The following EPC1 variants were observed in gnomAD, a reference collection of about 807,000 sequenced individuals.
EPC1 encodes the protein enhancer of polycomb 1, also known as enhancer of polycomb homolog 1.
Under a neutral mutation model 98.4 loss-of-function variants are expected in EPC1, and 12 were observed. That is an observed-to-expected ratio of 0.12 (90% CI 0.08 to 0.20). EPC1 has a LOEUF of 0.20. EPC1 is among the 10% of genes least tolerant of loss of function. The pLI, the probability that EPC1 is intolerant of heterozygous loss-of-function variation, is 1.00. For missense variants in EPC1, 729 were observed against 990.5 expected, an observed-to-expected ratio of 0.74 and a Z score of 3.54; for synonymous variants, 357 against 363.9, an observed-to-expected ratio of 0.98 and a Z score of 0.21.
chr10:32,287,124 T>C lies in EPC1; in HGVS notation c.1126A>G (p.Ser376Gly). ...TGGGAGAGAGGTTCTTCGTCTGAGC[T>C]GGGAAAGTCATACTGATTCAGATCT... ...AKDLNQYDFPSSDEEPLSQVL... is the reference protein window; with the variant it reads ...AKDLNQYDFPGSDEEPLSQVL... The change falls in exon 7 of 14, where the codon AGC becomes GGC. Residue 376 changes from serine to glycine, a missense_variant. By Grantham distance (56) the Ser-to-Gly change is moderately conservative (BLOSUM62 0). This residue lies in a region of EPC1 where 390 missense variants were observed against 438.6 expected (regional missense o/e 0.89). Coordinates refer to ENST00000319778, the MANE Select transcript of EPC1 (RefSeq NM_001272004.3). The C allele has an allele frequency of 6.2e-7, 1 of 1,614,210 alleles. No homozygotes were observed.
chr10:32,353,697 A>T (rs1839191308), intron 1 of EPC1, among the ~76,000 whole-genome samples: 1 of 152,242 alleles, frequency 6.6e-6, no homozygotes, highest in Admixed American at 6.5e-5. Context: ...TAATTGGGAA[A>T]ATGTGAAATT....
At position 32,305,995 on chromosome 10, in the gene EPC1, C is replaced by A. The variant is rs73245688; in HGVS notation, c.154-64G>T. 6.3e-3 allele frequency: 8,781 copies of A among 1,403,178 alleles called. 471 individuals are homozygous for A. In the African/African-American group the frequency reaches 0.11, roughly 18 times the overall value. 86.9% of individuals were successfully genotyped at this position (1,403,178 alleles called of 1,614,324 possible). ...AAAAAGCAGTAAACAGATCATATAG[C>A]CAAAAAGGTTTTTTTGGCTCATTTG... On this transcript the variant is annotated intron_variant, in intron 1 of 13. Coordinates refer to ENST00000319778, the MANE Select transcript of EPC1 (RefSeq NM_001272004.3).
chr10:32,336,814 C>T (rs1838005398), intron 1 of EPC1, among the ~76,000 whole-genome samples: 1 of 152,120 alleles, frequency 6.6e-6, no homozygotes, highest in Non-Finnish European at 1.5e-5. Context: ...CCAGGAGAGA[C>T]ATAAAATAGT....
chr10:32,301,276 T>C (rs1835524101), intron 2 of EPC1, among the ~76,000 whole-genome samples: 1 of 151,990 alleles, frequency 6.6e-6, no homozygotes, highest in African/African-American at 2.4e-5. Context: ...ATGAAAGAGA[T>C]AAAAAAAGAC....
chr10:32,363,540 A>G (rs1178020303), intron 1 of EPC1, among the ~76,000 whole-genome samples: 13 of 152,248 alleles, frequency 8.5e-5, no homozygotes, highest in Non-Finnish European at 1.8e-4. Flanking sequence ...TTGAACAAAA[A>G]TACTAAAAAC....
chr10:32,273,418 C>T (rs1564517920), intron 10 of EPC1, 137 bp from the exon 11 acceptor site: 1 of 1,113,926 alleles, frequency 9.0e-7, no homozygotes, highest in African/African-American at 1.6e-5. Context: ...TGCTAAAGAT[C>T]ACTTCCAAAT....
intron 2 of EPC1, among the ~76,000 whole-genome samples, chr10:32,302,553 A>C (rs549538641): frequency 6.6e-6 from 1 of 151,394 alleles, no homozygotes; most frequent in South Asian, 2.1e-4. Flanking sequence ...GGGAGGCTGA[A>C]GCAGAAGAAT....
intron 5 of EPC1, 70 bp from the exon 6 acceptor site, chr10:32,291,392 A>C: frequency 8.4e-7 from 1 of 1,185,144 alleles, no homozygotes. Flanking sequence ...TTTGATATAC[A>C]TTTATACTGT....
chr10:32,290,276 G>T (rs1554819080), intron 6 of EPC1, among the ~76,000 whole-genome samples: 5 of 151,804 alleles, frequency 3.3e-5, no homozygotes, highest in Non-Finnish European at 7.4e-5. Flanking sequence ...GAGGTCAGGG[G>T]TTTTGAGACC....
intron 10 of EPC1, among the ~76,000 whole-genome samples, chr10:32,279,654 G>A (rs1836295531): frequency 6.6e-6 from 1 of 152,100 alleles, no homozygotes; most frequent in African/African-American, 2.4e-5. Context: ...TGGAAATTAG[G>A]AATTCACATA....
At chr10:32,364,001 CATTT>C (rs1406911700) in intron 1 of EPC1, among the ~76,000 whole-genome samples, 17 of 61,856 alleles carry the variant, frequency 2.7e-4, no homozygotes, top group African/African-American at 9.7e-4. Context: ...ATCATGTTGG[CATTT>C]TTTTTTTTTT....
rs143803910 is a variant in EPC1 at position 32,278,938 on chromosome 10, C to G, written c.1745-5657G>C. On this transcript the variant is annotated intron_variant, in intron 10 of 13. Coordinates refer to ENST00000319778, the MANE Select transcript of EPC1 (RefSeq NM_001272004.3). ...AGATTATTTGCAGTCAAATATTCCT[C>G]TTAGTGTGAATATTCTTGCATTTTA... 4.7e-3 allele frequency among the ~76,000 whole-genome samples: 714 copies of G among 152,274 alleles called. 7 individuals carry two copies. The highest frequency in any genetic ancestry group is 0.017 in the Middle Eastern group (5 of 294).
intron 1 of EPC1, among the ~76,000 whole-genome samples, chr10:32,320,308 A>G (rs1328164086): frequency 6.6e-6 from 1 of 152,148 alleles, no homozygotes; most frequent in Non-Finnish European, 1.5e-5. Context: ...CATAATCCTT[A>G]CAAGTCAGTG....
intron 10 of EPC1, among the ~76,000 whole-genome samples, chr10:32,278,371 G>GTTTTTTTTTTTTGT (rs1836213066): frequency 5.8e-5 from 6 of 102,592 alleles, no homozygotes; most frequent in Non-Finnish European, 9.5e-5. Context: ...GTTTTTTTTT[G>GTTTTTTTTTTTTGT]TTTTTTTTTT....
At chr10:32,338,151 C>T (rs11008888) in intron 1 of EPC1, among the ~76,000 whole-genome samples, 18,985 of 152,140 alleles carry the variant, frequency 0.12, 1,224 homozygotes, top group Admixed American at 0.14. Context: ...TGAACAAGTC[C>T]ATCCCTTCTA....
chr10:32,346,224 G>C (rs1033214150), intron 1 of EPC1, among the ~76,000 whole-genome samples: 1 of 152,206 alleles, frequency 6.6e-6, no homozygotes, highest in Non-Finnish European at 1.5e-5. Flanking sequence ...CGTGGGGGCT[G>C]CACTGAGCCC....
At chr10:32,366,441 T>A (rs1222075728) in intron 1 of EPC1, among the ~76,000 whole-genome samples, 1 of 152,108 alleles carries the variant, frequency 6.6e-6, no homozygotes, top group Non-Finnish European at 1.5e-5. Flanking sequence ...AATAAAAAAA[T>A]AGGTAATTTT....
chr10:32,362,853 A>G (rs1466191912), intron 1 of EPC1, among the ~76,000 whole-genome samples: 1 of 152,144 alleles, frequency 6.6e-6, no homozygotes, highest in East Asian at 1.9e-4. Flanking sequence ...TTTCTGCTGC[A>G]GAAGTGAAGC....
rs999872467 is a variant in EPC1 at position 32,285,440 on chromosome 10, C to T, written c.1392-390G>A. On this transcript the variant is annotated intron_variant, in intron 9 of 13. Transcript: ENST00000319778. The stretch of plus-strand genomic sequence containing the variant: ...TTCTTATAGACAAAATATTTGAGAT[C>T]CACTACTCTAGAGGATATATTCTTA... 3 of 188,302 alleles carry T rather than the reference C, an allele frequency of 1.6e-5. No individual in the cohort carries two copies. In the Admixed American group the frequency reaches 1.6e-4, roughly 10 times the overall value. The allele number at this position is 188,302 out of a possible 1,614,324, so 11.7% of individuals were successfully genotyped here.
Sources: allele counts gnomAD v4.1 joint callset (sites outside exome capture counted in the v4.1 genomes callset), GRCh38; gene constraint gnomAD v4.1.1; regional missense constraint gnomAD v4.1.1; transcripts MANE v1.5; gene names NCBI Gene and HGNC (gene_info 2026-07-23, HGNC 2026-07-21).